The following CDH20 variants were observed in gnomAD, a reference collection of about 807,000 sequenced individuals.
CDH20 encodes the protein cadherin 20.
A neutral mutation model predicts 74.2 loss-of-function variants in CDH20; 29 were observed. The ratio of observed to expected loss-of-function variants is 0.39; its 90% CI spans 0.29 to 0.53. The LOEUF (loss-of-function observed/expected upper bound fraction) is 0.53. CDH20 is among the 20% of genes least tolerant of loss of function. The probability of loss-of-function intolerance (pLI) is 0.69; values close to 1 mark genes in which losing one functional copy is unlikely to be tolerated. For synonymous variants in CDH20, 469 were observed against 405.4 expected, an observed-to-expected ratio of 1.16 and a Z score of -1.88; for missense variants, 988 against 1,048.3, an observed-to-expected ratio of 0.94 and a Z score of 0.79.
chr18:61,490,639 C>T lies in CDH20; in HGVS notation c.86C>T (p.Thr29Met), dbSNP rs751531893. ...TACTTCTGGGGGCTGATGGACCTTA[C>T]GACCACCGTTCTCTCGGACACCCCA... ...SLYFWGLMDL[T>M]TTVLSDTPTP... The change falls in exon 2 of 12, where the codon ACG becomes ATG. Residue 29 changes from threonine to methionine, a missense_variant. This residue lies in a region of CDH20 where 613 missense variants were observed against 755.2 expected (regional missense o/e 0.81). Transcript: ENST00000262717. 3.7e-5 allele frequency: 59 copies of T among 1,613,958 alleles called. No individual in the cohort carries two copies. Among genetic ancestry groups the T allele is most frequent in the South Asian group, 1.1e-4 (10 of 91,082 alleles).
intron 7 of CDH20, among the ~76,000 whole-genome samples, chr18:61,531,835 C>T (rs1446045954): frequency 6.6e-6 from 1 of 152,200 alleles, no homozygotes; most frequent in African/African-American, 2.4e-5. Flanking sequence ...CACTTATTCT[C>T]TCTCCTACCA....
chr18:61,495,954 G>C (rs905290478), intron 2 of CDH20, among the ~76,000 whole-genome samples: 1 of 151,602 alleles, frequency 6.6e-6, no homozygotes, highest in African/African-American at 2.4e-5. Flanking sequence ...GCTTCCCTGG[G>C]GCTGTTCTCT....
chr18:61,499,485 G>A lies in CDH20; in HGVS notation c.541+5G>A. 3.1e-6 allele frequency: 5 copies of A among 1,589,320 alleles called. No homozygotes were observed. Among genetic ancestry groups the A allele is most frequent in the Non-Finnish European group, 4.3e-6 (5 of 1,167,278 alleles). On this transcript the variant is annotated splice_donor_5th_base_variant and intron_variant, in intron 3 of 11. Transcript: ENST00000262717. ...TGCCAGAAATGTCCCCTGTGGGTAA[G>A]GTGGTGACTCGCTGATTTTCACAAA... is the stretch of plus-strand genomic sequence containing the variant.
At chr18:61,348,376 T>C (rs1464520667) in intron 1 of CDH20, among the ~76,000 whole-genome samples, 1 of 152,170 alleles carries the variant, frequency 6.6e-6, no homozygotes, top group Non-Finnish European at 1.5e-5. Context: ...TGTTCTCCCC[T>C]ATATTAAATT....
rs185024875 is a variant in CDH20 at position 61,494,466 on chromosome 18, G to A, written c.246+3667G>A. On this transcript the variant is annotated intron_variant, in intron 2 of 11. Coordinates refer to ENST00000262717, the MANE Select transcript of CDH20 (RefSeq NM_031891.4). ...CCAATCCTCATACCAGCAACCAAGC[G>A]AAGATTTTTAGCCTGCATTAGGTGT... Among the ~76,000 whole-genome samples the A allele has an allele frequency of 5.3e-5, 8 of 152,242 alleles. No homozygotes were observed. The East Asian group carries it at 1.4e-3, about 26-fold the overall frequency.
chr18:61,520,141 C>G (rs1453318112), intron 6 of CDH20, among the ~76,000 whole-genome samples: 2 of 149,750 alleles, frequency 1.3e-5, no homozygotes, highest in Non-Finnish European at 3.0e-5. Flanking sequence ...ACGATGAAAC[C>G]CCATCTCTAC....
chr18:61,347,287 AATATATATATATATATATAT>A (rs758677743), intron 1 of CDH20, among the ~76,000 whole-genome samples: 1 of 86,458 alleles, frequency 1.2e-5, no homozygotes, highest in Non-Finnish European at 2.0e-5. Context: ...TGTCTCTGCT[AATATATATATATATATATAT>A]ATATATATAT....
chr18:61,545,103 A>C lies in CDH20; in HGVS notation c.1607A>C (p.Glu536Ala). 6.2e-7 allele frequency: 1 copy of C among 1,613,846 alleles called. No homozygotes were observed. Among genetic ancestry groups the C allele is most frequent in the Non-Finnish European group, 8.5e-7 (1 of 1,179,814 alleles). The change falls in exon 10 of 12, where the codon GAG becomes GCG. Residue 536 changes from glutamate to alanine, a missense_variant. By Grantham distance (107) the Glu-to-Ala change is moderately radical. Coordinates refer to ENST00000262717, the MANE Select transcript of CDH20 (RefSeq NM_031891.4). ...CATTTCTACTACAGCTTGGCTCCTG[A>C]GGCTGCTAACAACCCCAACTTTACC... ...GQHFYYSLAP[E>A]AANNPNFTIR...
chr18:61,483,077 C>CA lies in CDH20; in HGVS notation c.-152-7324dup, dbSNP rs200722716. On this transcript the variant is annotated intron_variant, in intron 1 of 11. Transcript: ENST00000262717. ...CCCTTTTATTTTTCAGGGTCTAGTT[C>CA]ATATGTTCCCTTAAGCCTTTCTCCT... Among the ~76,000 whole-genome samples the CA allele has an allele frequency of 9.5e-3, 1,445 of 152,260 alleles. 9 individuals are homozygous for CA. The highest frequency in any genetic ancestry group is 0.023 in the Admixed American group (345 of 15,308).
Position 61,538,608 on chromosome 18 carries a change from G to GTTTGT in CDH20, c.1409-413_1409-412insGTTTT, listed in dbSNP as rs1912904242. Among the ~76,000 whole-genome samples, 3 of 36,332 alleles carry GTTTGT rather than the reference G, an allele frequency of 8.3e-5. 1 individual carries two copies. Among genetic ancestry groups the GTTTGT allele is most frequent in the Non-Finnish European group, 1.2e-4 (2 of 16,564 alleles). 23.8% of individuals were successfully genotyped at this position (36,332 alleles called of 152,430 possible). On this transcript the variant is annotated intron_variant, in intron 8 of 11. Transcript: ENST00000262717. ...TGTTTGTTTGTTTGTTTTTGTTTTT[G>GTTTGT]TTTTTGTTTTTGTTTTGTTTTTTTT...
At chr18:61,344,970 T>C (rs1910067988) in intron 1 of CDH20, among the ~76,000 whole-genome samples, 1 of 152,188 alleles carries the variant, frequency 6.6e-6, no homozygotes, top group African/African-American at 2.4e-5. Context: ...CAAACTGACT[T>C]TGAAAACTAC....
chr18:61,384,640 G>A (rs892863733), intron 1 of CDH20, among the ~76,000 whole-genome samples: 4 of 152,100 alleles, frequency 2.6e-5, no homozygotes, highest in African/African-American at 9.7e-5. Flanking sequence ...TTTCCTTACA[G>A]AATCTACAGG....
chr18:61,494,021 C>T (rs780824007), intron 2 of CDH20, among the ~76,000 whole-genome samples: 16 of 152,144 alleles, frequency 1.1e-4, no homozygotes, highest in Non-Finnish European at 1.9e-4. Context: ...TACTATGTGT[C>T]GGTCACAATC....
intron 1 of CDH20, among the ~76,000 whole-genome samples, chr18:61,349,302 T>C (rs976407353): frequency 6.6e-6 from 1 of 152,184 alleles, no homozygotes; most frequent in Non-Finnish European, 1.5e-5. Context: ...ATTGGTGCTT[T>C]CCCAGGGAAA....
chr18:61,380,959 T>C (rs1911415584), intron 1 of CDH20, among the ~76,000 whole-genome samples: 2 of 152,222 alleles, frequency 1.3e-5, no homozygotes. Context: ...AGCCATACTT[T>C]TAGTGTGATG....
At chr18:61,485,652 G>A (rs1316911874) in intron 1 of CDH20, among the ~76,000 whole-genome samples, 6 of 152,162 alleles carry the variant, frequency 3.9e-5, no homozygotes, top group African/African-American at 1.4e-4. Flanking sequence ...AGCCTTTATG[G>A]AGATCTTAGA....
chr18:61,432,752 C>T (rs1467681182), intron 1 of CDH20, among the ~76,000 whole-genome samples: 2 of 152,182 alleles, frequency 1.3e-5, no homozygotes, highest in Non-Finnish European at 2.9e-5. Flanking sequence ...CGCCTTCCTC[C>T]TGTTCTTCCT....
chr18:61,478,446 T>G (rs1399581855), intron 1 of CDH20, among the ~76,000 whole-genome samples: 1 of 152,098 alleles, frequency 6.6e-6, no homozygotes. Context: ...CATTTTTCTT[T>G]TCTACCTTTG....
At chr18:61,482,226 C>T (rs2156357) in intron 1 of CDH20, among the ~76,000 whole-genome samples, 66,639 of 151,934 alleles carry the variant, frequency 0.44, 15,681 homozygotes, top group East Asian at 0.55. Context: ...AAAGTTCCTG[C>T]CTCTTTAAAT....
Sources: allele counts gnomAD v4.1 joint callset (sites outside exome capture counted in the v4.1 genomes callset), GRCh38; gene constraint gnomAD v4.1.1; regional missense constraint gnomAD v4.1.1; transcripts MANE v1.5; gene names NCBI Gene and HGNC (gene_info 2026-07-23, HGNC 2026-07-21).